LRP1B: variants seen among roughly 807,000 people sequenced by gnomAD.
LRP1B encodes the protein LDL receptor related protein 1B.
A neutral mutation model predicts 556.6 loss-of-function variants in LRP1B; 217 were observed. That is an observed-to-expected ratio of 0.39 (90% CI 0.35 to 0.44). The LOEUF (loss-of-function observed/expected upper bound fraction) is 0.44. Ranked by LOEUF, LRP1B falls within the 20% of genes least tolerant of loss-of-function variation. LRP1B has a pLI of 1.00. For missense variants in LRP1B, 5,053 were observed against 5,620.8 expected, an observed-to-expected ratio of 0.90 and a Z score of 3.23; for synonymous variants, 2,047 against 1,865.8, an observed-to-expected ratio of 1.10 and a Z score of -2.50.
intron 5 of LRP1B, among the ~76,000 whole-genome samples, chr2:141,230,812 A>G (rs544858162): frequency 1.3e-5 from 2 of 152,280 alleles, no homozygotes; most frequent in East Asian, 3.9e-4. Context: ...ACTGGTGAGG[A>G]GTCTCCTAGC....
chr2:141,294,398 A>T (rs1322219118), intron 3 of LRP1B, among the ~76,000 whole-genome samples: 1 of 148,438 alleles, frequency 6.7e-6, no homozygotes, highest in Non-Finnish European at 1.5e-5. Flanking sequence ...AGAACTTATC[A>T]TGAAATATCT....
intron 3 of LRP1B, among the ~76,000 whole-genome samples, chr2:141,281,162 A>G (rs1028212837): frequency 3.9e-5 from 6 of 151,920 alleles, no homozygotes; most frequent in African/African-American, 1.4e-4. Context: ...TCCACATAAA[A>G]CCTTCTTGCT....
intron 3 of LRP1B, among the ~76,000 whole-genome samples, chr2:141,406,780 G>A (rs1559053046): frequency 6.6e-6 from 1 of 151,876 alleles, no homozygotes; most frequent in East Asian, 1.9e-4. Flanking sequence ...CATATTTTAG[G>A]GGTGACTTAT....
At chr2:140,610,264 T>C (rs577011693) in intron 41 of LRP1B, among the ~76,000 whole-genome samples, 1 of 152,260 alleles carries the variant, frequency 6.6e-6, no homozygotes, top group South Asian at 2.1e-4. Context: ...TCTTAGTTGT[T>C]CCCCTCAAAC....
intron 18 of LRP1B, among the ~76,000 whole-genome samples, chr2:140,975,489 T>TGAGAGACAAATAGGGAGTAACA (rs70991130): frequency 0.73 from 110,822 of 151,676 alleles, 41,003 homozygotes; most frequent in Admixed American, 0.78. Context: ...TAAAGTTATA[T>TGAGAGACAAATAGGGAGTAACA]AAGCAGGACA....
chr2:142,116,091 C>T (rs566856371), intron 1 of LRP1B, among the ~76,000 whole-genome samples: 5 of 144,536 alleles, frequency 3.5e-5, no homozygotes, highest in African/African-American at 1.0e-4. Context: ...GTTGCATATG[C>T]CTGTAGTCCC....
chr2:141,606,448 A>G (rs1226839319), intron 2 of LRP1B, among the ~76,000 whole-genome samples: 1 of 152,228 alleles, frequency 6.6e-6, no homozygotes, highest in Non-Finnish European at 1.5e-5. Flanking sequence ...AATAGCATGG[A>G]AACTTAAATG....
At chr2:142,045,533 G>C (rs1704227915) in intron 1 of LRP1B, among the ~76,000 whole-genome samples, 1 of 151,756 alleles carries the variant, frequency 6.6e-6, no homozygotes, top group Admixed American at 6.6e-5. Flanking sequence ...GTATGCAATT[G>C]ACGACCAACT....
Position 140,764,960 on chromosome 2 carries a change from C to T in LRP1B, c.5758+4253G>A, listed in dbSNP as rs188821226. 1.9e-3 allele frequency among the ~76,000 whole-genome samples: 287 copies of T among 152,190 alleles called. 1 individual carries two copies. The highest frequency in any genetic ancestry group is 5.6e-3 in the African/African-American group (233 of 41,556). ...AATATTTCCTCTAGTAAGTTCCAGACAATGACATCCAAATAATGACCCTTA... is the reference window on the plus strand; with the variant it reads ...AATATTTCCTCTAGTAAGTTCCAGATAATGACATCCAAATAATGACCCTTA... On this transcript the variant is annotated intron_variant, in intron 35 of 90. Transcript: ENST00000389484.
chr2:141,885,787 T>A (rs1450091142), intron 1 of LRP1B, among the ~76,000 whole-genome samples: 1 of 152,168 alleles, frequency 6.6e-6, no homozygotes, highest in East Asian at 1.9e-4. Context: ...TTATTTAGAT[T>A]AAAGAATGTA....
intron 15 of LRP1B, among the ~76,000 whole-genome samples, chr2:140,998,092 T>G (rs1277243432): frequency 6.6e-6 from 1 of 151,998 alleles, no homozygotes; most frequent in Non-Finnish European, 1.5e-5. Flanking sequence ...AGATAAATGG[T>G]TCACCATAGT....
intron 27 of LRP1B, among the ~76,000 whole-genome samples, chr2:140,861,494 T>C (rs1692797060): frequency 6.6e-6 from 1 of 152,140 alleles, no homozygotes. Context: ...CAAATACTAA[T>C]GTAGAGAAAC....
chr2:140,232,965 T>C lies in LRP1B; in HGVS notation c.*221A>G. ...GTCATATCAGCAGCATTGTTGTAAA[T>C]TGTACTGTAGTGCAGTTCTTTTTCA... On this transcript the variant is annotated 3_prime_UTR_variant, in exon 91 of 91. Coordinates refer to ENST00000389484, the MANE Select transcript of LRP1B (RefSeq NM_018557.3). The C allele has an allele frequency of 2.9e-6, 1 of 349,694 alleles. No homozygotes were observed. Among genetic ancestry groups the C allele is most frequent in the Non-Finnish European group, 5.1e-6 (1 of 195,328 alleles). 21.7% of individuals were successfully genotyped at this position (349,694 alleles called of 1,614,324 possible).
At chr2:141,436,998 C>A (rs78033635) in intron 3 of LRP1B, among the ~76,000 whole-genome samples, 2,562 of 152,168 alleles carry the variant, frequency 0.017, 73 homozygotes, top group African/African-American at 0.059. Flanking sequence ...GAGATATATG[C>A]AGCAGTTGCT....
At chr2:141,023,195 T>C (rs1192743966) in intron 11 of LRP1B, among the ~76,000 whole-genome samples, 2 of 151,954 alleles carry the variant, frequency 1.3e-5, no homozygotes, top group Non-Finnish European at 2.9e-5. Flanking sequence ...CTACAACATG[T>C]TATCTTTGTT....
At chr2:140,419,833 C>A (rs560312162) in intron 66 of LRP1B, among the ~76,000 whole-genome samples, 9 of 151,844 alleles carry the variant, frequency 5.9e-5, no homozygotes, top group Admixed American at 1.3e-4. Flanking sequence ...CATGGTGAAA[C>A]CCTGTCTTTA....
At chr2:141,643,592 C>T (rs1025125101) in intron 2 of LRP1B, among the ~76,000 whole-genome samples, 9 of 152,170 alleles carry the variant, frequency 5.9e-5, no homozygotes, top group African/African-American at 1.9e-4. Flanking sequence ...CTAGTTGAAA[C>T]GATTGTGAAT....
intron 2 of LRP1B, among the ~76,000 whole-genome samples, chr2:141,740,736 G>A (rs1413762753): frequency 1.3e-5 from 2 of 152,140 alleles, no homozygotes; most frequent in Non-Finnish European, 2.9e-5. Flanking sequence ...GACTCTGAAG[G>A]CATTGGAGAC....
intron 1 of LRP1B, among the ~76,000 whole-genome samples, chr2:141,955,803 T>C (rs1701232314): frequency 6.6e-6 from 1 of 152,126 alleles, no homozygotes; most frequent in African/African-American, 2.4e-5. Context: ...TTTTCCAGTC[T>C]AGAGCTAGTA....
Sources: allele counts gnomAD v4.1 joint callset (sites outside exome capture counted in the v4.1 genomes callset), GRCh38; gene constraint gnomAD v4.1.1; transcripts MANE v1.5; gene names NCBI Gene and HGNC (gene_info 2026-07-23, HGNC 2026-07-21).